CTNNA3: variants seen among roughly 807,000 people sequenced by gnomAD.
CTNNA3 encodes catenin alpha 3, also known as catenin alpha-3.
CTNNA3 carries 76 observed loss-of-function variants against 95.7 expected under a neutral mutation model. The observed-to-expected ratio is 0.79, with a 90% CI of 0.66 to 0.96. CTNNA3 has a LOEUF of 0.96. CTNNA3 is among the 40% of genes least tolerant of loss of function. CTNNA3 has a pLI of 0.00. For synonymous variants in CTNNA3, 431 were observed against 374.4 expected (o/e 1.15, Z -1.74); for missense variants, 1,191 against 1,089.8 (o/e 1.09, Z -1.31).
At chr10:67,730,098 T>C (rs1841266042) in intron 1 of CTNNA3, among the ~76,000 whole-genome samples, 1 of 152,174 alleles carries the variant, frequency 6.6e-6, no homozygotes, top group Non-Finnish European at 1.5e-5. Flanking sequence ...AGGATCTTCA[T>C]TTACACTCCC....
At chr10:67,059,024 C>T (rs192535003) in intron 7 of CTNNA3, among the ~76,000 whole-genome samples, 1 of 152,168 alleles carries the variant, frequency 6.6e-6, no homozygotes. Context: ...GCTAATGCAG[C>T]CTTCTAAGAA....
At chr10:67,262,624 G>GC (rs1554815322) in intron 5 of CTNNA3, among the ~76,000 whole-genome samples, 6 of 152,074 alleles carry the variant, frequency 3.9e-5, no homozygotes, top group African/African-American at 1.4e-4. Flanking sequence ...GCTTTAAACA[G>GC]TTTTTTTAAA....
At chr10:67,323,842 G>C (rs1841428038) in intron 5 of CTNNA3, among the ~76,000 whole-genome samples, 1 of 152,184 alleles carries the variant, frequency 6.6e-6, no homozygotes, top group Non-Finnish European at 1.5e-5. Flanking sequence ...CATGAGCATA[G>C]AATGTTTTTC....
chr10:67,023,909 G>A (rs1853187171), intron 7 of CTNNA3, among the ~76,000 whole-genome samples: 1 of 152,084 alleles, frequency 6.6e-6, no homozygotes, highest in Non-Finnish European at 1.5e-5. Context: ...GAAATTCATG[G>A]GTAAGAAGTT....
intron 3 of CTNNA3, among the ~76,000 whole-genome samples, chr10:67,595,760 A>G (rs938004734): frequency 1.2e-4 from 18 of 152,092 alleles, no homozygotes; most frequent in Admixed American, 1.2e-3. Flanking sequence ...TAGTGTGGTT[A>G]TCTATCTTTA....
At chr10:67,656,147 A>G (rs903454899) in intron 1 of CTNNA3, among the ~76,000 whole-genome samples, 1 of 152,212 alleles carries the variant, frequency 6.6e-6, no homozygotes, top group Non-Finnish European at 1.5e-5. Flanking sequence ...ATTTGCTGGT[A>G]TGTTTGGCCT....
chr10:67,147,486 C>CT, intron 7 of CTNNA3, among the ~76,000 whole-genome samples: 1 of 152,258 alleles, frequency 6.6e-6, no homozygotes, highest in Middle Eastern at 3.4e-3. Context: ...AAAATGTATT[C>CT]TTTTCTTCCA....
At chr10:67,122,084 G>A (rs1349387107) in intron 7 of CTNNA3, among the ~76,000 whole-genome samples, 3 of 150,170 alleles carry the variant, frequency 2.0e-5, no homozygotes, top group Non-Finnish European at 4.4e-5. Flanking sequence ...GGGAGATTCA[G>A]TTGGGATGAG....
chr10:66,815,051 C>T (rs550577216), intron 7 of CTNNA3, among the ~76,000 whole-genome samples: 13 of 151,712 alleles, frequency 8.6e-5, no homozygotes, highest in African/African-American at 1.7e-4. Flanking sequence ...GGGGTTTCAC[C>T]GTATTCGCCA....
intron 5 of CTNNA3, among the ~76,000 whole-genome samples, chr10:67,374,426 T>TA (rs11448008): frequency 0.89 from 135,142 of 152,096 alleles, 61,147 homozygotes; most frequent in East Asian, 1. Flanking sequence ...AAAAATTGGA[T>TA]AACGAATGAA....
intron 3 of CTNNA3, among the ~76,000 whole-genome samples, chr10:67,564,054 A>G (rs1841650666): frequency 6.7e-6 from 1 of 149,336 alleles, no homozygotes; most frequent in African/African-American, 2.5e-5. Context: ...GGGACTGTAA[A>G]CTAGTTCAAC....
intron 13 of CTNNA3, among the ~76,000 whole-genome samples, chr10:66,123,941 A>G (rs2126597): frequency 0.8 from 122,252 of 152,070 alleles, 49,292 homozygotes; most frequent in South Asian, 0.92. Context: ...GGCCTGTGAT[A>G]GAAGGGGCTC....
chr10:66,672,459 A>G (rs922100255), intron 9 of CTNNA3, among the ~76,000 whole-genome samples: 3 of 151,876 alleles, frequency 2.0e-5, no homozygotes, highest in East Asian at 1.9e-4. Context: ...AAAATTAGGG[A>G]AAAAAGATGA....
chr10:66,508,412 T>G (rs879521069), intron 11 of CTNNA3, among the ~76,000 whole-genome samples: 22 of 152,106 alleles, frequency 1.4e-4, no homozygotes, highest in Admixed American at 3.3e-4. Flanking sequence ...AAACTCCTGA[T>G]AACACTTGCA....
chr10:66,299,253 C>T (rs537179178), intron 12 of CTNNA3, among the ~76,000 whole-genome samples: 1 of 152,308 alleles, frequency 6.6e-6, no homozygotes, highest in African/African-American at 2.4e-5. Flanking sequence ...GAGGCTGTGT[C>T]ACAGGCGTGG....
chr10:66,484,213 T>G (rs989879737), intron 11 of CTNNA3, among the ~76,000 whole-genome samples: 1 of 146,604 alleles, frequency 6.8e-6, no homozygotes, highest in African/African-American at 2.6e-5. Context: ...AGGAAAAGCA[T>G]GAAGTATCAT....
At chr10:66,385,983 A>G (rs911479156) in intron 11 of CTNNA3, among the ~76,000 whole-genome samples, 25 of 152,184 alleles carry the variant, frequency 1.6e-4, no homozygotes, top group African/African-American at 5.8e-4. Flanking sequence ...ACAGCCCCCA[A>G]TATCATACTG....
intron 5 of CTNNA3, among the ~76,000 whole-genome samples, chr10:67,447,254 C>G (rs1846788290): frequency 6.6e-6 from 1 of 152,148 alleles, no homozygotes; most frequent in Non-Finnish European, 1.5e-5. Context: ...TGCTTGAGGA[C>G]TAGTTATTGT....
chr10:66,192,687 T>C (rs946431316), intron 13 of CTNNA3, among the ~76,000 whole-genome samples: 2 of 152,174 alleles, frequency 1.3e-5, no homozygotes, highest in Non-Finnish European at 1.5e-5. Flanking sequence ...TGCCTTTATT[T>C]ATTCAAGGAT....
Sources: allele counts gnomAD v4.1 joint callset (sites outside exome capture counted in the v4.1 genomes callset), GRCh38; gene constraint gnomAD v4.1.1; transcripts MANE v1.5; gene names NCBI Gene and HGNC (gene_info 2026-07-23, HGNC 2026-07-21).